The following TMPRSS15 variants were observed in gnomAD, a reference collection of about 807,000 sequenced individuals.
TMPRSS15 encodes the protein enteropeptidase.
A neutral mutation model predicts 125.3 loss-of-function variants in TMPRSS15; 128 were observed. That is an observed-to-expected ratio of 1.02 (90% confidence interval 0.89 to 1.18). The LOEUF (loss-of-function observed/expected upper bound fraction) is 1.18. TMPRSS15 is among the 50% of genes most tolerant of loss of function. The pLI is 0.00. For synonymous variants in TMPRSS15, 446 were observed against 423.2 expected (o/e 1.05, Z -0.66); for missense variants, 1,283 against 1,212.7 (o/e 1.06, Z -0.86).
chr21:18,478,369 T>C (rs115379452), intron 1 of TMPRSS15, among the ~76,000 whole-genome samples: 6,062 of 152,108 alleles, frequency 0.04, 246 homozygotes, highest in African/African-American at 0.098. Flanking sequence ...GGATATCAGA[T>C]TGTTTAAGAC....
intron 1 of TMPRSS15, among the ~76,000 whole-genome samples, chr21:18,419,220 CTTTTTTTT>C (rs540004490): frequency 9.2e-6 from 1 of 108,620 alleles, no homozygotes; most frequent in African/African-American, 3.5e-5. Flanking sequence ...GACATTTCCT[CTTTTTTTT>C]TTTTTTTTTT....
chr21:18,434,184 AAAGG>A (rs1277821489), intron 1 of TMPRSS15, among the ~76,000 whole-genome samples: 2 of 152,190 alleles, frequency 1.3e-5, no homozygotes, highest in Non-Finnish European at 2.9e-5. Flanking sequence ...TACTTCAATA[AAAGG>A]AAGACTCACC....
chr21:18,453,570 G>A (rs1035848407), intron 1 of TMPRSS15, among the ~76,000 whole-genome samples: 20 of 152,124 alleles, frequency 1.3e-4, no homozygotes, highest in African/African-American at 4.1e-4. Context: ...ATTTAGAGAC[G>A]AGCTTATTTT....
intron 18 of TMPRSS15, among the ~76,000 whole-genome samples, chr21:18,299,276 T>C (rs542266959): frequency 1.3e-5 from 2 of 152,296 alleles, no homozygotes; most frequent in Admixed American, 6.5e-5. Context: ...GCTGAGAATG[T>C]AGAAAGTCTG....
chr21:18,303,981 G>A (rs2075003061), intron 18 of TMPRSS15, among the ~76,000 whole-genome samples: 3 of 152,320 alleles, frequency 2.0e-5, no homozygotes, highest in South Asian at 4.1e-4. Context: ...GGAGAAAGGA[G>A]GAATAATGTT....
At chr21:18,483,590 T>G (rs1198310087) in intron 1 of TMPRSS15, among the ~76,000 whole-genome samples, 1 of 151,878 alleles carries the variant, frequency 6.6e-6, no homozygotes. Context: ...ATTAGAGATT[T>G]GGGTATTTGT....
chr21:18,440,019 A>G (rs2076237280), intron 1 of TMPRSS15, among the ~76,000 whole-genome samples: 1 of 152,190 alleles, frequency 6.6e-6, no homozygotes, highest in South Asian at 2.1e-4. Flanking sequence ...ATAGATGACT[A>G]GGCAAAATTC....
intron 1 of TMPRSS15, among the ~76,000 whole-genome samples, chr21:18,421,742 A>T (rs1206092537): frequency 6.6e-6 from 1 of 152,216 alleles, no homozygotes; most frequent in Non-Finnish European, 1.5e-5. Context: ...TATGTAAGAC[A>T]TGAATAAGAT....
At chr21:18,271,358 T>TATC (rs1458559862) in intron 24 of TMPRSS15, among the ~76,000 whole-genome samples, 1 of 152,222 alleles carries the variant, frequency 6.6e-6, no homozygotes, top group South Asian at 2.1e-4. Flanking sequence ...TTTTTTTACA[T>TATC]ATCTTCTAAA....
chr21:18,412,723 C>T (rs1364350323), intron 1 of TMPRSS15, among the ~76,000 whole-genome samples: 2 of 151,452 alleles, frequency 1.3e-5, no homozygotes, highest in Admixed American at 6.6e-5. Flanking sequence ...GTCTAGTAAC[C>T]CTGCTGCTGC....
At chr21:18,335,548 A>G (rs572988372) in intron 13 of TMPRSS15, among the ~76,000 whole-genome samples, 2 of 152,332 alleles carry the variant, frequency 1.3e-5, no homozygotes, top group Middle Eastern at 3.4e-3. Context: ...TTTCGCCACT[A>G]AACACAAGTC....
chr21:18,455,162 C>T lies in TMPRSS15; in HGVS notation c.10+30637G>A, dbSNP rs192772983. On this transcript the variant is annotated intron_variant, in intron 1 of 7. Coordinates refer to the TMPRSS15 transcript ENST00000422787. ...AAGGACCTGTTTGCTTCCCCTTCCACCATGATTGTAAGTTTCATGAGGCTT... is the reference window on the plus strand; with the variant it reads ...AAGGACCTGTTTGCTTCCCCTTCCATCATGATTGTAAGTTTCATGAGGCTT... Among the ~76,000 whole-genome samples the T allele has an allele frequency of 9.9e-5, 15 of 152,270 alleles. No individual in the cohort carries two copies. In the East Asian group the frequency reaches 2.7e-3, roughly 27 times the overall value.
chr21:18,450,243 T>C (rs2076264859), intron 1 of TMPRSS15, among the ~76,000 whole-genome samples: 1 of 152,244 alleles, frequency 6.6e-6, no homozygotes, highest in African/African-American at 2.4e-5. Context: ...TGAAGTAGCA[T>C]GCAAATTTCA....
intron 1 of TMPRSS15, among the ~76,000 whole-genome samples, chr21:18,430,005 T>C (rs2076213029): frequency 1.3e-5 from 2 of 152,226 alleles, no homozygotes; most frequent in Admixed American, 6.5e-5. Flanking sequence ...AAAATATGTA[T>C]GTTGTATGTT....
At position 18,343,524 on chromosome 21, in the gene TMPRSS15, ATTTAGGGTTAC is replaced by A. The variant is rs1322514511; in HGVS notation, c.1399_1409del (p.Val467Ter). On this transcript the variant is annotated frameshift_variant, in exon 12 of 25. Transcript: ENST00000284885. LOFTEE classifies it high-confidence loss of function. Reference sequence around the variant, plus strand: ...TGCAAACCTTAAATTTAACTGTTTCATTTAGGGTTACTTGTCCATAATTCCAATTGTCTCCA... The same window carrying A: ...TGCAAACCTTAAATTTAACTGTTTCATTGTCCATAATTCCAATTGTCTCCA... 3 of 1,611,346 alleles carry A rather than the reference ATTTAGGGTTAC, an allele frequency of 1.9e-6. No individual in the cohort carries two copies. In the African/African-American group the frequency reaches 4.0e-5, roughly 22 times the overall value.
chr21:18,441,936 C>T (rs1367968785), intron 1 of TMPRSS15, among the ~76,000 whole-genome samples: 1 of 152,042 alleles, frequency 6.6e-6, no homozygotes, highest in African/African-American at 2.4e-5. Context: ...AGTGATTTGC[C>T]TGCCTAGGCC....
intron 18 of TMPRSS15, among the ~76,000 whole-genome samples, chr21:18,311,006 G>T (rs2075096104): frequency 6.7e-6 from 1 of 148,448 alleles, no homozygotes; most frequent in Non-Finnish European, 1.5e-5. Flanking sequence ...CGCTTCAGTA[G>T]ATGATGCTGG....
chr21:18,368,123 C>A (rs1255842527), intron 6 of TMPRSS15, among the ~76,000 whole-genome samples: 1 of 152,046 alleles, frequency 6.6e-6, no homozygotes, highest in Non-Finnish European at 1.5e-5. Context: ...AGAAAGGGAA[C>A]AAAACAAGAT....
chr21:18,290,784 C>T (rs1490129441), intron 21 of TMPRSS15, among the ~76,000 whole-genome samples: 4 of 151,964 alleles, frequency 2.6e-5, no homozygotes, highest in Non-Finnish European at 5.9e-5. Context: ...AGTAAAAATA[C>T]TCTGAGTACT....
Sources: allele counts gnomAD v4.1 joint callset (sites outside exome capture counted in the v4.1 genomes callset), GRCh38; gene constraint gnomAD v4.1.1; transcripts MANE v1.5; gene names NCBI Gene and HGNC (gene_info 2026-07-23, HGNC 2026-07-21).